The following FHIP1A variants were observed in gnomAD, a reference collection of about 807,000 sequenced individuals.
FHIP1A encodes the protein FHF complex subunit HOOK interacting protein 1A, also known as FHF complex subunit HOOK-interacting protein 1A.
In FHIP1A, 61 loss-of-function variants were observed where a neutral mutation model predicts 88.6. The observed-to-expected ratio is 0.69, with a 90% CI of 0.56 to 0.85. FHIP1A has a LOEUF of 0.85. FHIP1A is among the 40% of genes least tolerant of loss of function. The probability of loss-of-function intolerance (pLI) is 0.00; values close to 1 mark genes in which losing one functional copy is unlikely to be tolerated. For synonymous variants in FHIP1A, 478 were observed against 496.0 expected (o/e 0.96, Z 0.48); for missense variants, 1,154 against 1,273.5 (o/e 0.91, Z 1.43).
At chr4:151,644,788 GC>G (rs1476358686) in intron 9 of FHIP1A, among the ~76,000 whole-genome samples, 1 of 152,082 alleles carries the variant, frequency 6.6e-6, no homozygotes, top group Non-Finnish European at 1.5e-5. Flanking sequence ...TCAACCTGCT[GC>G]CCCTGTTCCT....
At chr4:151,413,486 G>A (rs1056032567) in intron 1 of FHIP1A, among the ~76,000 whole-genome samples, 14 of 152,052 alleles carry the variant, frequency 9.2e-5, no homozygotes, top group East Asian at 1.9e-4. Context: ...GCAGAGTCTC[G>A]CTCTGTTGCC....
chr4:151,620,916 A>G (rs1735718166), intron 7 of FHIP1A, among the ~76,000 whole-genome samples: 1 of 151,504 alleles, frequency 6.6e-6, no homozygotes, highest in East Asian at 1.9e-4. Context: ...CACCTTATCT[A>G]AGGCAGCCAG....
intron 2 of FHIP1A, among the ~76,000 whole-genome samples, chr4:151,461,012 G>A (rs1169883681): frequency 1.3e-5 from 2 of 152,084 alleles, no homozygotes; most frequent in Non-Finnish European, 2.9e-5. Context: ...ATTCTTCTAG[G>A]GAACTAGAGG....
chr4:151,412,610 TC>T (rs1732701675), intron 1 of FHIP1A, among the ~76,000 whole-genome samples: 3 of 121,892 alleles, frequency 2.5e-5, no homozygotes, highest in African/African-American at 9.9e-5. Flanking sequence ...CTTCCTTCCT[TC>T]CTCCCTCCCT....
At position 151,626,927 on chromosome 4, in the gene FHIP1A, A is replaced by T. The variant is rs111846367; in HGVS notation, c.979-2775A>T. 7.9e-5 allele frequency among the ~76,000 whole-genome samples: 12 copies of T among 152,318 alleles called. 1 individual carries two copies. The highest frequency in any genetic ancestry group is 2.6e-4 in the African/African-American group (11 of 41,572). Reference sequence around the variant, plus strand: ...TTATTGTTAGCTTTCCAGTGATCACACTTAGGCTCTGGTCTCATCCTCGTT... The same window carrying T: ...TTATTGTTAGCTTTCCAGTGATCACTCTTAGGCTCTGGTCTCATCCTCGTT... On this transcript the variant is annotated intron_variant, in intron 7 of 13. Coordinates refer to ENST00000435205, the MANE Select transcript of FHIP1A (RefSeq NM_001109977.3).
chr4:151,650,333 C>T lies in FHIP1A; in HGVS notation c.2292C>T (p.Ser764=), dbSNP rs74456691. ...QYDQIIKELD[S]GAEGLMEQNY... is the part of the protein sequence containing the mutation. ...ACCAAATCATTAAAGAGCTGGATTC[C>T]GGCGCCGAGGGCTTGATGGAACAGA... The change falls in exon 11 of 14, where the codon TCC becomes TCT. Residue 764 remains serine (S), a synonymous_variant. Transcript: ENST00000435205. 79 of 1,551,714 alleles carry T rather than the reference C, an allele frequency of 5.1e-5. No homozygotes were observed. The East Asian group carries it at 1.0e-3, about 20-fold the overall frequency.
intron 3 of FHIP1A, among the ~76,000 whole-genome samples, chr4:151,504,903 C>A (rs985185372): frequency 5.3e-5 from 8 of 152,134 alleles, no homozygotes; most frequent in African/African-American, 1.9e-4. Context: ...TAGGAGGGAG[C>A]CGCCGCGCCC....
At chr4:151,644,829 C>G (rs1327224627) in intron 9 of FHIP1A, among the ~76,000 whole-genome samples, 1 of 152,140 alleles carries the variant, frequency 6.6e-6, no homozygotes, top group Non-Finnish European at 1.5e-5. Flanking sequence ...TCCTGTGGTG[C>G]TAGAGCAGCA....
At chr4:151,593,660 G>A (rs1467311318) in intron 7 of FHIP1A, among the ~76,000 whole-genome samples, 1 of 152,086 alleles carries the variant, frequency 6.6e-6, no homozygotes, top group African/African-American at 2.4e-5. Context: ...GAGATTTTTG[G>A]CTGAGATGAT....
Position 151,573,457 on chromosome 4 carries a change from G to C in FHIP1A, c.106-3993G>C, listed in dbSNP as rs1230047461. On this transcript the variant is annotated intron_variant, in intron 4 of 13. Transcript: ENST00000435205. ...TGAGGTGTTGATTAGTTTTTTAAATGGTATTTTCAGCCTAACAAAGTAAAT... is the reference window on the plus strand; with the variant it reads ...TGAGGTGTTGATTAGTTTTTTAAATCGTATTTTCAGCCTAACAAAGTAAAT... Among the ~76,000 whole-genome samples the C allele has an allele frequency of 2.0e-5, 3 of 152,066 alleles. No homozygotes were observed. In the East Asian group the frequency reaches 5.8e-4, roughly 29 times the overall value.
At chr4:151,522,693 C>G (rs1731490163) in intron 3 of FHIP1A, among the ~76,000 whole-genome samples, 1 of 152,258 alleles carries the variant, frequency 6.6e-6, no homozygotes, top group Non-Finnish European at 1.5e-5. Flanking sequence ...TTCCAATCTT[C>G]TCATCTAATC....
intron 3 of FHIP1A, among the ~76,000 whole-genome samples, chr4:151,506,750 T>C (rs982794288): frequency 6.6e-6 from 1 of 152,122 alleles, no homozygotes; most frequent in South Asian, 2.1e-4. Flanking sequence ...ATCTCCAATA[T>C]TGGGAATCAA....
At chr4:151,469,926 C>T (rs1729451638) in intron 2 of FHIP1A, among the ~76,000 whole-genome samples, 1 of 152,118 alleles carries the variant, frequency 6.6e-6, no homozygotes, top group African/African-American at 2.4e-5. Context: ...AGACTAGTGC[C>T]CTTGTAACTT....
intron 1 of FHIP1A, among the ~76,000 whole-genome samples, chr4:151,446,173 C>A (rs1449144924): frequency 6.6e-6 from 1 of 152,030 alleles, no homozygotes; most frequent in Non-Finnish European, 1.5e-5. Flanking sequence ...TATGATCAGA[C>A]TTCTTAAATC....
Position 151,649,459 on chromosome 4 carries a change from G to T in FHIP1A, c.1418G>T (p.Gly473Val). Reference protein sequence around the residue: ...LWSKCMHDTSGPVERPFPEAF... With the variant: ...LWSKCMHDTSVPVERPFPEAF... ...TAACCAGCCTCTGCCTCCTGTGCAGGGCCTGTGGAGCGGCCATTCCCCGAA... is the reference window on the plus strand; with the variant it reads ...TAACCAGCCTCTGCCTCCTGTGCAGTGCCTGTGGAGCGGCCATTCCCCGAA... The change falls in exon 11 of 14, where the codon GGG (glycine) becomes GTG (valine). Residue 473 changes from glycine (G) to valine (V), a missense_variant and splice_region_variant. Physicochemically the swap from Gly to Val is moderately radical, Grantham distance 109. Coordinates refer to ENST00000435205, the MANE Select transcript of FHIP1A (RefSeq NM_001109977.3). The T allele has an allele frequency of 1.3e-6, 2 of 1,543,990 alleles. No individual in the cohort carries two copies. The highest frequency in any genetic ancestry group is 8.7e-7 in the Non-Finnish European group (1 of 1,143,172).
rs1737673114 is a variant in FHIP1A, at chr4:151,666,558, A to G, written c.*3804A>G. On this transcript the variant is annotated 3_prime_UTR_variant, in exon 14 of 14. Transcript: ENST00000435205. ...AGGAAAGCATCCTCTTATGAACAGA[A>G]TCTAGAAACAGGCTACATGAATATT... Among the ~76,000 whole-genome samples the G allele has an allele frequency of 6.6e-6, 1 of 152,202 alleles. No homozygotes were observed. The highest frequency in any genetic ancestry group is 2.4e-5 in the African/African-American group (1 of 41,434).
intron 5 of FHIP1A, among the ~76,000 whole-genome samples, chr4:151,580,721 G>A (rs1358111538): frequency 6.6e-6 from 1 of 152,148 alleles, no homozygotes; most frequent in Non-Finnish European, 1.5e-5. Context: ...TACGTGAAGT[G>A]AAAGATAAAC....
At chr4:151,461,161 A>G (rs1387709948) in intron 2 of FHIP1A, among the ~76,000 whole-genome samples, 1 of 152,218 alleles carries the variant, frequency 6.6e-6, no homozygotes, top group East Asian at 1.9e-4. Context: ...TTAAGTGTGC[A>G]GCCTCCTCAT....
chr4:151,529,171 T>C (rs1187096348), intron 3 of FHIP1A, among the ~76,000 whole-genome samples: 2 of 152,094 alleles, frequency 1.3e-5, no homozygotes, highest in Non-Finnish European at 2.9e-5. Flanking sequence ...TTGCAAAGAA[T>C]AGAGATACCC....
Sources: allele counts gnomAD v4.1 joint callset (sites outside exome capture counted in the v4.1 genomes callset), GRCh38; gene constraint gnomAD v4.1.1; transcripts MANE v1.5; gene names NCBI Gene and HGNC (gene_info 2026-07-23, HGNC 2026-07-21).